The following LUZP2 variants were observed in gnomAD, a reference collection of about 807,000 sequenced individuals.
LUZP2 encodes leucine zipper protein 2.
Under a neutral mutation model 51.6 loss-of-function variants are expected in LUZP2, and 52 were observed. The observed-to-expected ratio is 1.01, with a 90% CI of 0.81 to 1.27. LUZP2 has a LOEUF of 1.27. Ranked by LOEUF, LUZP2 falls within the 50% of genes most tolerant of loss-of-function variation. The pLI, the probability that LUZP2 is intolerant of heterozygous loss-of-function variation, is 0.00. For missense variants in LUZP2, 436 were observed against 395.4 expected (o/e 1.10, Z -0.87); for synonymous variants, 154 against 137.3 (o/e 1.12, Z -0.85).
At chr11:24,929,467 A>G (rs1854380324) in intron 7 of LUZP2, among the ~76,000 whole-genome samples, 1 of 152,042 alleles carries the variant, frequency 6.6e-6, no homozygotes. Flanking sequence ...TCTTGATATC[A>G]TTGTTTACCC....
At chr11:24,695,680 T>C (rs1053276426) in intron 1 of LUZP2, among the ~76,000 whole-genome samples, 1 of 152,010 alleles carries the variant, frequency 6.6e-6, no homozygotes, top group Non-Finnish European at 1.5e-5. Flanking sequence ...TAATAGTTAA[T>C]TACCTTTTGG....
chr11:24,671,205 C>T lies in LUZP2; in HGVS notation c.63-57964C>T, dbSNP rs1856391484. On this transcript the variant is annotated intron_variant, in intron 1 of 11. Transcript: ENST00000336930. Reference sequence around the variant, plus strand: ...AATTGGTATTTGCTTACATTAAGAACTCTTCTATATCTGTGTAGATATTTT... The same window carrying T: ...AATTGGTATTTGCTTACATTAAGAATTCTTCTATATCTGTGTAGATATTTT... Among the ~76,000 whole-genome samples, 5 of 151,768 alleles carry T rather than the reference C, an allele frequency of 3.3e-5. No homozygotes were observed. In the South Asian group the frequency reaches 1.0e-3, roughly 31 times the overall value.
intron 9 of LUZP2, among the ~76,000 whole-genome samples, chr11:25,002,975 T>G (rs1856731762): frequency 9.9e-5 from 15 of 152,130 alleles, no homozygotes; most frequent in Admixed American, 9.8e-4. Flanking sequence ...CTGCAAATGT[T>G]TTAATGTCTT....
intron 1 of LUZP2, among the ~76,000 whole-genome samples, chr11:24,699,409 A>G (rs4262721): frequency 0.43 from 65,350 of 151,852 alleles, 14,922 homozygotes; most frequent in Middle Eastern, 0.55. Context: ...AAGTTCCTTC[A>G]TATTTGAAAT....
At chr11:24,863,817 C>CT (rs1851809270) in intron 5 of LUZP2, among the ~76,000 whole-genome samples, 1 of 152,022 alleles carries the variant, frequency 6.6e-6, no homozygotes, top group Non-Finnish European at 1.5e-5. Context: ...ATTGCTAGTC[C>CT]TTTTTGCACA....
At chr11:24,500,477 T>C (rs2133747616) in intron 1 of LUZP2, among the ~76,000 whole-genome samples, 1 of 152,318 alleles carries the variant, frequency 6.6e-6, no homozygotes, top group South Asian at 2.1e-4. Context: ...TAGTATTAAA[T>C]TGCTATTCCA....
chr11:24,717,777 G>A (rs1858111019), intron 1 of LUZP2, among the ~76,000 whole-genome samples: 1 of 151,868 alleles, frequency 6.6e-6, no homozygotes, highest in African/African-American at 2.4e-5. Flanking sequence ...TTAGACCCAA[G>A]TGTCTGTTTT....
chr11:24,794,129 A>AT (rs1456710600), intron 5 of LUZP2, among the ~76,000 whole-genome samples: 1 of 152,076 alleles, frequency 6.6e-6, no homozygotes, highest in Non-Finnish European at 1.5e-5. Context: ...CTAACTAATG[A>AT]GCCTGGCCTT....
chr11:25,008,173 C>T (rs1270743087), intron 9 of LUZP2, among the ~76,000 whole-genome samples: 1 of 152,192 alleles, frequency 6.6e-6, no homozygotes, highest in Non-Finnish European at 1.5e-5. Context: ...CTGCACTCAG[C>T]TCATGCTACT....
intron 1 of LUZP2, among the ~76,000 whole-genome samples, chr11:24,654,827 C>CT (rs35699452): frequency 0.27 from 39,381 of 146,884 alleles, 5,724 homozygotes; most frequent in Admixed American, 0.38. Flanking sequence ...GCCCGGCCTA[C>CT]TTTTTTTTTT....
chr11:24,834,283 G>A (rs1008938974), intron 5 of LUZP2, among the ~76,000 whole-genome samples: 3 of 151,764 alleles, frequency 2.0e-5, no homozygotes, highest in African/African-American at 7.3e-5. Context: ...GTGTGTTGTT[G>A]CCTTCCCTGT....
intron 1 of LUZP2, among the ~76,000 whole-genome samples, chr11:24,556,378 C>CA (rs147077603): frequency 0.062 from 9,455 of 152,158 alleles, 434 homozygotes; most frequent in Middle Eastern, 0.13. Flanking sequence ...TAGTTTCCCT[C>CA]AAAGATCTGG....
intron 1 of LUZP2, among the ~76,000 whole-genome samples, chr11:24,541,198 A>C (rs1236513947): frequency 6.7e-6 from 1 of 149,660 alleles, no homozygotes; most frequent in Non-Finnish European, 1.5e-5. Flanking sequence ...AGTTGCAGTA[A>C]GCCAAGATTG....
At chr11:24,875,106 TTTA>T (rs753283088) in intron 5 of LUZP2, among the ~76,000 whole-genome samples, 3 of 151,990 alleles carry the variant, frequency 2.0e-5, no homozygotes, top group Non-Finnish European at 2.9e-5. Flanking sequence ...TTTTTTTTAT[TTTA>T]TTATTATTAT....
At chr11:24,997,920 G>A (rs1465267674) in intron 9 of LUZP2, among the ~76,000 whole-genome samples, 2 of 152,120 alleles carry the variant, frequency 1.3e-5, no homozygotes, top group African/African-American at 2.4e-5. Flanking sequence ...GTCAAAGATC[G>A]GACAGTTGTA....
At chr11:24,781,973 G>A (rs906997392) in intron 5 of LUZP2, among the ~76,000 whole-genome samples, 8 of 151,986 alleles carry the variant, frequency 5.3e-5, no homozygotes, top group Admixed American at 3.9e-4. Flanking sequence ...CATATGCCAC[G>A]GTTTGGATAA....
intron 7 of LUZP2, among the ~76,000 whole-genome samples, chr11:24,925,402 C>T (rs1854194689): frequency 6.6e-6 from 1 of 152,176 alleles, no homozygotes. Flanking sequence ...GGCTCCTATA[C>T]TCTACCAGTT....
chr11:24,683,074 G>C (rs1856798944), intron 1 of LUZP2, among the ~76,000 whole-genome samples: 1 of 152,178 alleles, frequency 6.6e-6, no homozygotes, highest in Non-Finnish European at 1.5e-5. Flanking sequence ...CTACTCAGGA[G>C]ATGGCAGATT....
At chr11:24,900,343 G>A (rs1259175615) in intron 5 of LUZP2, among the ~76,000 whole-genome samples, 1 of 152,002 alleles carries the variant, frequency 6.6e-6, no homozygotes. Flanking sequence ...TTCCATTCTG[G>A]CTTGTTGGAA....
Sources: allele counts gnomAD v4.1 joint callset (sites outside exome capture counted in the v4.1 genomes callset), GRCh38; gene constraint gnomAD v4.1.1; transcripts MANE v1.5; gene names NCBI Gene and HGNC (gene_info 2026-07-23, HGNC 2026-07-21).